RYR2: variants seen among roughly 807,000 people sequenced by gnomAD.
The protein encoded by RYR2 is cardiac muscle ryanodine receptor-calcium release channel.
In RYR2, 227 loss-of-function variants were observed where a neutral mutation model predicts 601.1. That is an observed-to-expected ratio of 0.38 (90% CI 0.34 to 0.42). RYR2 has a LOEUF of 0.42. RYR2 is among the 10% of genes least tolerant of loss of function. RYR2 has a pLI of 1.00. For synonymous variants in RYR2, 2,223 were observed against 2,175.1 expected, an observed-to-expected ratio of 1.02 and a Z score of -0.61; for missense variants, 4,646 against 6,156.5, an observed-to-expected ratio of 0.75 and a Z score of 8.21.
chr1:237,257,352 G>A lies in RYR2; in HGVS notation c.49-13145G>A, dbSNP rs140879651. 6.1e-4 allele frequency among the ~76,000 whole-genome samples: 93 copies of A among 152,162 alleles called. 1 individual carries two copies. The East Asian group carries it at 0.015, about 24-fold the overall frequency. On this transcript the variant is annotated intron_variant, in intron 1 of 104. Coordinates refer to ENST00000366574, the MANE Select transcript of RYR2 (RefSeq NM_001035.3). The stretch of plus-strand genomic sequence containing the variant: ...CTTCATTTCTTAGCCATTGACCGTC[G>A]CTTCTGTGCCAGATGCTGTGCTATA...
intron 1 of RYR2, among the ~76,000 whole-genome samples, chr1:237,223,871 CCTT>C (rs1432954847): frequency 6.6e-6 from 1 of 152,222 alleles, no homozygotes; most frequent in East Asian, 1.9e-4. Context: ...AGAATTTTCT[CCTT>C]CTGGTCTGTA....
chr1:237,244,511 T>C (rs1413571469), intron 1 of RYR2, among the ~76,000 whole-genome samples: 1 of 152,020 alleles, frequency 6.6e-6, no homozygotes, highest in Non-Finnish European at 1.5e-5. Context: ...AAGATTAGGG[T>C]GGGGTGGCCA....
At chr1:237,773,077 C>A (rs2149317902) in intron 86 of RYR2, among the ~76,000 whole-genome samples, 1 of 152,290 alleles carries the variant, frequency 6.6e-6, no homozygotes, top group East Asian at 1.9e-4. Flanking sequence ...CCATGGATAT[C>A]AGCGAGTTCT....
At chr1:237,748,843 G>A (rs1692299524) in intron 80 of RYR2, among the ~76,000 whole-genome samples, 1 of 152,184 alleles carries the variant, frequency 6.6e-6, no homozygotes, top group Non-Finnish European at 1.5e-5. Context: ...ATTTGCTTCT[G>A]TAGCCAACAA....
intron 2 of RYR2, among the ~76,000 whole-genome samples, chr1:237,292,018 G>C (rs200573923): frequency 6.6e-6 from 1 of 152,072 alleles, no homozygotes; most frequent in East Asian, 1.9e-4. Context: ...ATGTGTAGGG[G>C]GCAGAGGTAT....
chr1:237,430,795 T>C (rs979389134), intron 12 of RYR2, among the ~76,000 whole-genome samples: 29 of 152,214 alleles, frequency 1.9e-4, no homozygotes, highest in African/African-American at 6.8e-4. Context: ...TTGATAGAGA[T>C]TGCCCAAAGC....
intron 42 of RYR2, among the ~76,000 whole-genome samples, chr1:237,631,920 A>G (rs1191294562): frequency 3.3e-5 from 5 of 151,970 alleles, no homozygotes; most frequent in African/African-American, 9.7e-5. Context: ...GGCGTGAGCC[A>G]CCGCGCCCAG....
At chr1:237,429,321 A>C (rs1706541016) in intron 12 of RYR2, among the ~76,000 whole-genome samples, 1 of 152,166 alleles carries the variant, frequency 6.6e-6, no homozygotes, top group Admixed American at 6.5e-5. Context: ...CTAGGAACAC[A>C]GAAGAATCGG....
At chr1:237,234,421 A>G (rs983684981) in intron 1 of RYR2, among the ~76,000 whole-genome samples, 4 of 152,122 alleles carry the variant, frequency 2.6e-5, no homozygotes, top group African/African-American at 9.7e-5. Flanking sequence ...TTGGCATTTC[A>G]TATCTTTATG....
intron 12 of RYR2, among the ~76,000 whole-genome samples, chr1:237,435,324 G>T (rs775472015): frequency 3.9e-5 from 6 of 152,146 alleles, no homozygotes; most frequent in African/African-American, 1.2e-4. Context: ...TGAGGAAACT[G>T]AGGCTTAGAC....
chr1:237,338,524 C>T (rs537292430), intron 3 of RYR2, among the ~76,000 whole-genome samples: 31 of 152,130 alleles, frequency 2.0e-4, no homozygotes, highest in Non-Finnish European at 3.7e-4. Context: ...GAGTTCCTAT[C>T]GTATTCCAGA....
At chr1:237,479,851 T>G (rs916893272) in intron 17 of RYR2, among the ~76,000 whole-genome samples, 7 of 152,190 alleles carry the variant, frequency 4.6e-5, no homozygotes, top group Non-Finnish European at 1.0e-4. Context: ...AAGGTAGGTT[T>G]TATTACAATT....
At chr1:237,588,480 A>G (rs932728863) in intron 29 of RYR2, among the ~76,000 whole-genome samples, 1 of 152,138 alleles carries the variant, frequency 6.6e-6, no homozygotes, top group Non-Finnish European at 1.5e-5. Flanking sequence ...TGTAGTCTGC[A>G]TTCCAATACT....
intron 97 of RYR2, 35 bp downstream of exon 97, chr1:237,798,205 G>T (rs770144113): frequency 6.3e-7 from 1 of 1,576,008 alleles, no homozygotes; most frequent in South Asian, 1.2e-5. Flanking sequence ...TACAGACTTA[G>T]ATTGAAAGGG....
chr1:237,687,337 T>G, intron 62 of RYR2, 118 bp from the exon 63 acceptor site: 1 of 665,988 alleles, frequency 1.5e-6, no homozygotes, highest in Non-Finnish European at 2.6e-6. Context: ...GGCTCATATA[T>G]CAGCTGTTTT....
At chr1:237,380,951 G>A (rs546742377) in intron 8 of RYR2, among the ~76,000 whole-genome samples, 3 of 152,212 alleles carry the variant, frequency 2.0e-5, no homozygotes, top group African/African-American at 7.2e-5. Context: ...GGTGGCAGGT[G>A]CCAGTAATCC....
At chr1:237,109,731 A>AT (rs1669225061) in intron 1 of RYR2, among the ~76,000 whole-genome samples, 1 of 58,036 alleles carries the variant, frequency 1.7e-5, no homozygotes, top group East Asian at 1.4e-3. Context: ...CAAAAAAAAA[A>AT]ATAATAATAA....
At chr1:237,328,479 T>A (rs1426988843) in intron 2 of RYR2, among the ~76,000 whole-genome samples, 1 of 152,184 alleles carries the variant, frequency 6.6e-6, no homozygotes, top group Non-Finnish European at 1.5e-5. Flanking sequence ...CAGTTAGCTG[T>A]GCCAGATTTG....
At chr1:237,522,764 A>C (rs6681301) in intron 24 of RYR2, among the ~76,000 whole-genome samples, 4,035 of 152,216 alleles carry the variant, frequency 0.027, 62 homozygotes, top group African/African-American at 0.044. Context: ...GCTTCCTAAC[A>C]GTCTGTTTAC....
Sources: allele counts gnomAD v4.1 joint callset (sites outside exome capture counted in the v4.1 genomes callset), GRCh38; gene constraint gnomAD v4.1.1; transcripts MANE v1.5; gene names NCBI Gene and HGNC (gene_info 2026-07-23, HGNC 2026-07-21).